The following CA9 variants were observed in gnomAD, a reference collection of about 807,000 sequenced individuals.
CA9 encodes CA-IX.
A neutral mutation model predicts 51.8 loss-of-function variants in CA9; 43 were observed. The ratio of observed to expected loss-of-function variants is 0.83; its 90% CI spans 0.65 to 1.07. The LOEUF is 1.07. Among genes scored for constraint, CA9 ranks in the 50% least tolerant of loss-of-function variants. The pLI is 0.00. For synonymous variants in CA9, 253 were observed against 244.2 expected, an observed-to-expected ratio of 1.04 and a Z score of -0.34; for missense variants, 574 against 581.4, an observed-to-expected ratio of 0.99 and a Z score of 0.13.
chr9:35,679,641 A>C (rs1290075362), intron 7 of CA9, among the ~76,000 whole-genome samples: 3 of 152,202 alleles, frequency 2.0e-5, no homozygotes, highest in Non-Finnish European at 4.4e-5. Flanking sequence ...AGATCGCTTG[A>C]TTCCAGGAGT....
intron 5 of CA9, 110 bp downstream of exon 5, chr9:35,676,499 C>A: frequency 1.2e-6 from 1 of 830,834 alleles, no homozygotes; most frequent in Non-Finnish European, 1.9e-6. Context: ...AGGCCCCTGG[C>A]TGACAAACTC....
Position 35,674,033 on chromosome 9 carries a change from T to C in CA9, c.74T>C (p.Leu25Pro). The change falls in exon 1 of 11, where the codon CTG (leucine) becomes CCG (proline). Residue 25 changes from leucine to proline, a missense_variant. Coordinates refer to ENST00000378357, the MANE Select transcript of CA9 (RefSeq NM_001216.3). ...PAPAPGLTVQ[L>P]LLSLLLLVPV... ...CCTGCTCCAGGCCTCACTGTGCAAC[T>C]GCTGCTGTCACTGCTGCTTCTGGTG... 10 of 1,614,172 alleles carry C rather than the reference T, an allele frequency of 6.2e-6. No homozygotes were observed. Among genetic ancestry groups the C allele is most frequent in the Non-Finnish European group, 8.5e-6 (10 of 1,180,014 alleles).
chr9:35,678,213 G>A (rs1177322858), intron 6 of CA9, among the ~76,000 whole-genome samples: 1 of 152,000 alleles, frequency 6.6e-6, no homozygotes, highest in East Asian at 1.9e-4. Context: ...AGGCGTGGTG[G>A]CGGGTGCCTG....
chr9:35,679,018 T>A (rs190191508), intron 6 of CA9, among the ~76,000 whole-genome samples, 167 bp from the exon 7 acceptor site: 1 of 152,132 alleles, frequency 6.6e-6, no homozygotes, highest in Non-Finnish European at 1.5e-5. Flanking sequence ...TCCAAAGCCC[T>A]GTACTTTTTT....
rs551485462 is a variant in CA9, at chr9:35,674,988, CT to C, written c.404-531del. ...GACTCAGGACTGAAGTGCCCACTCA[CT>C]TTTTTTTTTTTTTTTTTTGAGACAA... On this transcript the variant is annotated intron_variant, in intron 1 of 10. Coordinates refer to ENST00000378357, the MANE Select transcript of CA9 (RefSeq NM_001216.3). The C allele has an allele frequency of 5.9e-3, 779 of 132,984 alleles. 4 individuals carry two copies. Among genetic ancestry groups the C allele is most frequent in the Middle Eastern group, 0.011 (3 of 262 alleles). 8.2% of individuals were successfully genotyped at this position (132,984 alleles called of 1,614,324 possible).
rs10972555 is a variant in CA9, at chr9:35,674,193, C to G, written c.234C>G (p.Pro78=). The G allele has an allele frequency of 2.5e-6, 4 of 1,612,492 alleles. No individual in the cohort carries two copies. Among genetic ancestry groups the G allele is most frequent in the Non-Finnish European group, 3.4e-6 (4 of 1,179,904 alleles). The change falls in exon 1 of 11, where the codon CCC becomes CCG. Residue 78 remains proline (P), a synonymous_variant. Coordinates refer to ENST00000378357, the MANE Select transcript of CA9 (RefSeq NM_001216.3). ...ATTCACCCAGAGAGGAGGATCCACC[C>G]GGAGAGGAGGATCTACCTGGAGAGG... ...EEDSPREEDP[P]GEEDLPGEED...
At chr9:35,675,436 C>A in intron 1 of CA9, 102 bp from the exon 2 acceptor site, 2 of 1,327,240 alleles carry the variant, frequency 1.5e-6, no homozygotes, top group Non-Finnish European at 1.1e-6. Flanking sequence ...ATTTGTTACC[C>A]GTAATGCTCC....
rs1824482357 is a variant in CA9 at position 35,679,215 on chromosome 9, T to A, written c.938T>A (p.Ile313Lys). 1.2e-6 allele frequency: 2 copies of A among 1,614,178 alleles called. No homozygotes were observed. Among genetic ancestry groups the A allele is most frequent in the African/African-American group, 2.7e-5 (2 of 75,032 alleles). The change falls in exon 7 of 11, where the codon ATA becomes AAA. Residue 313 changes from isoleucine to lysine, a missense_variant. Ile to Lys is a moderately radical substitution (Grantham distance 102, BLOSUM62 -3). Coordinates refer to ENST00000378357, the MANE Select transcript of CA9 (RefSeq NM_001216.3). ...GAGACTCAGGTCCCAGGACTGGACA[T>A]ATCTGCACTCCTGCCCTCTGACTTC... ...GSETQVPGLD[I>K]SALLPSDFSR...
At position 35,674,210 on chromosome 9, in the gene CA9, C is replaced by G; in HGVS notation, c.251C>G (p.Pro84Arg). 1 of 1,513,430 alleles carries G rather than the reference C, an allele frequency of 6.6e-7. No individual in the cohort carries two copies. Among genetic ancestry groups the G allele is most frequent in the Non-Finnish European group, 8.9e-7 (1 of 1,124,370 alleles). 93.8% of individuals were successfully genotyped at this position (1,513,430 alleles called of 1,614,324 possible). The change falls in exon 1 of 11, where the codon CCT (proline) becomes CGT (arginine). Residue 84 changes from proline (P) to arginine (R), a missense_variant. Physicochemically the swap from Pro to Arg is moderately radical, Grantham distance 103. Transcript: ENST00000378357. Reference sequence around the variant, plus strand: ...GATCCACCCGGAGAGGAGGATCTACCTGGAGAGGAGGATCTACCTGGAGAG... The same window carrying G: ...GATCCACCCGGAGAGGAGGATCTACGTGGAGAGGAGGATCTACCTGGAGAG... ...EEDPPGEEDL[P>R]GEEDLPGEED...
chr9:35,679,791 G>A (rs936960992), intron 7 of CA9, 63 bp from the exon 8 acceptor site: 8 of 1,509,976 alleles, frequency 5.3e-6, no homozygotes, highest in Non-Finnish European at 6.2e-6. Context: ...TTGTGAGCTG[G>A]CCTGGGACCC....
In CA9 at chr9:35,676,214, C is replaced by T. The variant is rs1824419414; in HGVS notation, c.747+8C>T. 11 of 1,611,714 alleles carry T rather than the reference C, an allele frequency of 6.8e-6. No individual in the cohort carries two copies. The highest frequency in any genetic ancestry group is 9.3e-6 in the Non-Finnish European group (11 of 1,178,868). Reference sequence around the variant, plus strand: ...CACCGTTTCCCTGCCGAGGTGAGCGCGGAGCTGGCCGAGAAGGGGCAAAGG... The same window carrying T: ...CACCGTTTCCCTGCCGAGGTGAGCGTGGAGCTGGCCGAGAAGGGGCAAAGG... On this transcript the variant is annotated splice_region_variant and intron_variant, in intron 4 of 10. Transcript: ENST00000378357.
chr9:35,676,892 G>A (rs183798533), intron 5 of CA9, among the ~76,000 whole-genome samples: 12 of 152,188 alleles, frequency 7.9e-5, no homozygotes, highest in Middle Eastern at 3.4e-3. Context: ...TCTCTCTGTC[G>A]CCCAGGCTGG....
chr9:35,678,391 A>G (rs1824466022), intron 6 of CA9, among the ~76,000 whole-genome samples: 1 of 151,070 alleles, frequency 6.6e-6, no homozygotes, highest in South Asian at 2.1e-4. Flanking sequence ...CCAAAATGAG[A>G]CAAAAAAAAC....
chr9:35,680,072 G>C, intron 8 of CA9, 41 bp from the exon 9 acceptor site: 1 of 1,614,128 alleles, frequency 6.2e-7, no homozygotes, highest in Non-Finnish European at 8.5e-7. Context: ...TCTGTCATTG[G>C]TGGTCACAGC....
intron 5 of CA9, among the ~76,000 whole-genome samples, chr9:35,676,845 T>G (rs1439994406): frequency 1.3e-5 from 2 of 152,190 alleles, no homozygotes; most frequent in African/African-American, 4.8e-5. Flanking sequence ...CTAGGTTCAC[T>G]CACTCACTTT....
chr9:35,677,444 C>T (rs943437632), intron 5 of CA9, among the ~76,000 whole-genome samples: 2 of 151,808 alleles, frequency 1.3e-5, no homozygotes, highest in Admixed American at 6.6e-5. Flanking sequence ...AGACTGCAAA[C>T]GTCAGAAGGG....
intron 6 of CA9, among the ~76,000 whole-genome samples, chr9:35,678,841 G>A (rs1587946453): frequency 6.6e-6 from 1 of 151,462 alleles, no homozygotes; most frequent in Non-Finnish European, 1.5e-5. Context: ...ATTTGCTCTG[G>A]GCTTAAACTT....
chr9:35,677,239 T>C (rs957162383), intron 5 of CA9, among the ~76,000 whole-genome samples: 3 of 152,138 alleles, frequency 2.0e-5, no homozygotes, highest in African/African-American at 7.2e-5. Flanking sequence ...TTCATACTCT[T>C]AGGTTCATAA....
rs77984049 is a variant in CA9, at chr9:35,674,350, A to T, written c.391A>T (p.Arg131Trp). The part of the protein sequence containing the change: ...DPQEPQNNAH[R>W]DKEGDDQSHW... ...TCAAGAACCCCAGAATAATGCCCAC[A>T]GGGACAAAGAAGGTAAGTGGTCATC... The change falls in exon 1 of 11, where the codon AGG becomes TGG. Residue 131 changes from arginine to tryptophan, a missense_variant. By Grantham distance (101) the Arg-to-Trp change is moderately radical. Transcript: ENST00000378357. 50,414 of 1,610,524 alleles carry T rather than the reference A, an allele frequency of 0.031. 1,121 individuals are homozygous for T. Among genetic ancestry groups the T allele is most frequent in the East Asian group, 0.13 (5,723 of 44,862 alleles).
Sources: gnomAD v4.1 joint callset for allele counts (sites outside exome capture counted in the v4.1 genomes callset) on GRCh38, gnomAD v4.1.1 for gene constraint, MANE v1.5 for transcripts, NCBI Gene and HGNC (gene_info 2026-07-23, HGNC 2026-07-21) for gene names.